PDGFD: variants seen among roughly 807,000 people sequenced by gnomAD.
PDGFD encodes the protein platelet derived growth factor D, also known as platelet-derived growth factor D.
PDGFD carries 30 observed loss-of-function variants against 44.7 expected under a neutral mutation model. The observed-to-expected ratio is 0.67, with a 90% confidence interval of 0.50 to 0.91. PDGFD has a LOEUF of 0.91. Ranked by LOEUF, PDGFD falls within the 40% of genes least tolerant of loss-of-function variation. The pLI, the probability that PDGFD is intolerant of heterozygous loss-of-function variation, is 0.00. For missense variants in PDGFD, 445 were observed against 457.8 expected (o/e 0.97, Z 0.25); for synonymous variants, 173 against 168.4 (o/e 1.03, Z -0.21).
chr11:104,088,200 T>A (rs1861162330), intron 1 of PDGFD, among the ~76,000 whole-genome samples: 1 of 152,248 alleles, frequency 6.6e-6, no homozygotes, highest in Non-Finnish European at 1.5e-5. Context: ...CACAAGCCCT[T>A]GTGTATGGTG....
At chr11:104,022,163 T>C (rs1024383317) in intron 1 of PDGFD, among the ~76,000 whole-genome samples, 1 of 152,180 alleles carries the variant, frequency 6.6e-6, no homozygotes, top group Admixed American at 6.6e-5. Context: ...AATAATAGAA[T>C]GCCAGCAGGC....
intron 3 of PDGFD, among the ~76,000 whole-genome samples, chr11:103,956,184 G>A (rs1858843167): frequency 6.6e-6 from 1 of 150,644 alleles, no homozygotes; most frequent in South Asian, 2.1e-4. Context: ...TTAGCATTAG[G>A]TATATCTCCT....
chr11:104,037,005 G>A, intron 1 of PDGFD: 2 of 1,614,220 alleles, frequency 1.2e-6, no homozygotes, highest in East Asian at 2.2e-5. Flanking sequence ...ACTGTTCCCT[G>A]GGCTCCTACG....
intron 1 of PDGFD, among the ~76,000 whole-genome samples, chr11:104,162,252 G>A (rs548657231): frequency 6.6e-6 from 1 of 151,836 alleles, no homozygotes; most frequent in Non-Finnish European, 1.5e-5. Context: ...TTGACTTCTT[G>A]TAACTGATAC....
Position 104,026,066 on chromosome 11 carries a change from G to T in PDGFD, c.125-25811C>A, listed in dbSNP as rs1027449813. Among the ~76,000 whole-genome samples the T allele has an allele frequency of 2.0e-5, 3 of 152,294 alleles. No homozygotes were observed. In the East Asian group the frequency reaches 5.8e-4, roughly 29 times the overall value. On this transcript the variant is annotated intron_variant, in intron 1 of 6. Coordinates refer to ENST00000393158, the MANE Select transcript of PDGFD (RefSeq NM_025208.5). ...TCCTGCCGCTCCTGCCATTGCTGCTGTTGATCCCAACTCTGCAGCCATGGC... is the reference window on the plus strand; with the variant it reads ...TCCTGCCGCTCCTGCCATTGCTGCTTTTGATCCCAACTCTGCAGCCATGGC...
chr11:104,107,546 A>C (rs550966819), intron 1 of PDGFD, among the ~76,000 whole-genome samples: 1 of 152,298 alleles, frequency 6.6e-6, no homozygotes, highest in Non-Finnish European at 1.5e-5. Flanking sequence ...AAGCTGGTAA[A>C]TTTGTGATAT....
At chr11:104,085,544 T>C (rs1861117381) in intron 1 of PDGFD, among the ~76,000 whole-genome samples, 1 of 152,156 alleles carries the variant, frequency 6.6e-6, no homozygotes, top group South Asian at 2.1e-4. Context: ...TATAGACATT[T>C]TCCACGTTAG....
In PDGFD at chr11:104,143,380, G is replaced by T. The variant is rs142228610; in HGVS notation, c.124+20424C>A. Among the ~76,000 whole-genome samples, 6 of 152,260 alleles carry T rather than the reference G, an allele frequency of 3.9e-5. No individual in the cohort carries two copies. The East Asian group carries it at 5.8e-4, about 15-fold the overall frequency. On this transcript the variant is annotated intron_variant, in intron 1 of 6. Transcript: ENST00000393158. ...GAGGGGATCAAAAAAATTAGAAAGGGATCTTGAGCAAATGCTTGCAGAGTA... is the reference window on the plus strand; with the variant it reads ...GAGGGGATCAAAAAAATTAGAAAGGTATCTTGAGCAAATGCTTGCAGAGTA...
chr11:104,162,303 T>C (rs759669591), intron 1 of PDGFD, among the ~76,000 whole-genome samples: 1 of 152,112 alleles, frequency 6.6e-6, no homozygotes. Context: ...TATGAAGTCA[T>C]GCAAATTACA....
At chr11:103,982,933 G>A (rs990383581) in intron 3 of PDGFD, among the ~76,000 whole-genome samples, 8 of 151,634 alleles carry the variant, frequency 5.3e-5, no homozygotes, top group Non-Finnish European at 1.2e-4. Context: ...CAAACAAATG[G>A]AAAAACATTC....
chr11:103,943,361 T>C (rs1780465404), intron 5 of PDGFD, 91 bp downstream of exon 5: 3 of 1,252,716 alleles, frequency 2.4e-6, no homozygotes, highest in Non-Finnish European at 2.2e-6. Flanking sequence ...AAAAGACTTC[T>C]GGTTTCAAAT....
intron 1 of PDGFD, among the ~76,000 whole-genome samples, chr11:104,076,830 A>G (rs1860967597): frequency 6.6e-6 from 1 of 152,154 alleles, no homozygotes; most frequent in African/African-American, 2.4e-5. Context: ...CTTCCTCAGC[A>G]TATTCAACGT....
intron 5 of PDGFD, among the ~76,000 whole-genome samples, chr11:103,938,479 A>G (rs1203497306): frequency 6.6e-6 from 1 of 152,168 alleles, no homozygotes; most frequent in African/African-American, 2.4e-5. Context: ...AGTAGGTTGC[A>G]AAAATTTTCT....
chr11:104,012,646 T>A (rs954400145), intron 1 of PDGFD, among the ~76,000 whole-genome samples: 1 of 152,216 alleles, frequency 6.6e-6, no homozygotes, highest in African/African-American at 2.4e-5. Flanking sequence ...GTGACTCCAG[T>A]GGAGTAGCAT....
chr11:104,137,487 T>C (rs965079367), intron 1 of PDGFD, among the ~76,000 whole-genome samples: 10 of 152,068 alleles, frequency 6.6e-5, no homozygotes, highest in Non-Finnish European at 1.2e-4. Flanking sequence ...ATTTATCGTA[T>C]TGTTTCTAGA....
At chr11:104,047,827 G>T (rs1456359494) in intron 1 of PDGFD, among the ~76,000 whole-genome samples, 1 of 152,056 alleles carries the variant, frequency 6.6e-6, no homozygotes, top group Non-Finnish European at 1.5e-5. Context: ...CTGAGAATAA[G>T]TTCTTGATTC....
intron 1 of PDGFD, among the ~76,000 whole-genome samples, chr11:104,007,308 C>A (rs1011757531): frequency 1.3e-5 from 2 of 152,162 alleles, no homozygotes; most frequent in African/African-American, 4.8e-5. Flanking sequence ...GACAGTCTCA[C>A]CCCTTATCCA....
intron 1 of PDGFD, among the ~76,000 whole-genome samples, chr11:104,133,366 G>A (rs1861952265): frequency 6.6e-6 from 1 of 152,086 alleles, no homozygotes; most frequent in South Asian, 2.1e-4. Flanking sequence ...TAAATGCTGT[G>A]GGAACTTCTG....
intron 3 of PDGFD, among the ~76,000 whole-genome samples, chr11:103,984,291 C>T (rs1014652863): frequency 6.6e-6 from 1 of 151,632 alleles, no homozygotes; most frequent in Non-Finnish European, 1.5e-5. Flanking sequence ...CCATTATCCT[C>T]AGCAAACTAA....
Sources: gnomAD v4.1 joint callset for allele counts (sites outside exome capture counted in the v4.1 genomes callset) on GRCh38, gnomAD v4.1.1 for gene constraint, MANE v1.5 for transcripts, NCBI Gene and HGNC (gene_info 2026-07-23, HGNC 2026-07-21) for gene names.